PDSS2: variants seen among roughly 807,000 people sequenced by gnomAD.
The protein encoded by PDSS2 is decaprenyl diphosphate synthase subunit 2.
A neutral mutation model predicts 44.5 loss-of-function variants in PDSS2; 31 were observed. The observed-to-expected ratio is 0.70, with a 90% confidence interval of 0.52 to 0.94. The LOEUF (loss-of-function observed/expected upper bound fraction) is 0.94, where lower values mean the gene tolerates loss of function less well. Ranked by LOEUF, PDSS2 falls within the 40% of genes least tolerant of loss-of-function variation. PDSS2 has a pLI of 0.00. For synonymous variants in PDSS2, 157 were observed against 180.3 expected (o/e 0.87, Z 1.03); for missense variants, 452 against 482.2 (o/e 0.94, Z 0.59).
intron 7 of PDSS2, among the ~76,000 whole-genome samples, chr6:107,163,812 A>T (rs971309466): frequency 1.3e-5 from 2 of 152,174 alleles, no homozygotes; most frequent in Non-Finnish European, 2.9e-5. Context: ...CACGTTGGCC[A>T]GGCTGGTCTT....
intron 1 of PDSS2, among the ~76,000 whole-genome samples, chr6:107,378,767 C>T (rs1194292054): frequency 6.6e-6 from 1 of 152,198 alleles, no homozygotes; most frequent in Non-Finnish European, 1.5e-5. Flanking sequence ...GCCTGGGCGA[C>T]AGAGTATCCG....
At chr6:107,203,455 A>T (rs1028396444) in intron 6 of PDSS2, among the ~76,000 whole-genome samples, 2 of 152,074 alleles carry the variant, frequency 1.3e-5, no homozygotes, top group Admixed American at 1.3e-4. Context: ...TGGGTTTCCA[A>T]AAACTTCTTA....
rs60988844 is a variant in PDSS2 at position 107,227,278 on chromosome 6, C to CTTT, written c.703-14999_703-14997dup. ...GATTATAGGTGTAAGCCACTGTGCC[C>CTTT]TTTTTTTTTTTTTTTTTTTTTTTTT... is the stretch of plus-strand genomic sequence containing the variant. On this transcript the variant is annotated intron_variant, in intron 4 of 7. Transcript: ENST00000369037. Among the ~76,000 whole-genome samples, 563 of 102,694 alleles carry CTTT rather than the reference C, an allele frequency of 5.5e-3. 79 individuals carry two copies. Among genetic ancestry groups the CTTT allele is most frequent in the African/African-American group, 9.8e-3 (253 of 25,934 alleles). 67.4% of individuals were successfully genotyped at this position (102,694 alleles called of 152,430 possible).
intron 7 of PDSS2, among the ~76,000 whole-genome samples, chr6:107,156,590 A>C (rs1222459330): frequency 2.0e-5 from 3 of 152,136 alleles, no homozygotes; most frequent in African/African-American, 7.2e-5. Flanking sequence ...TTCACAGCTG[A>C]ACTTTCTGGC....
chr6:107,262,772 AAAAAAAAAAG>A (rs551651114), intron 3 of PDSS2, among the ~76,000 whole-genome samples: 30 of 148,300 alleles, frequency 2.0e-4, no homozygotes, highest in African/African-American at 7.4e-4. Flanking sequence ...ACTCTGTCTC[AAAAAAAAAAG>A]AAAAAAAAAG....
At chr6:107,242,787 C>T (rs1188274739) in intron 4 of PDSS2, among the ~76,000 whole-genome samples, 1 of 152,182 alleles carries the variant, frequency 6.6e-6, no homozygotes, top group Non-Finnish European at 1.5e-5. Context: ...CTACCTCGGC[C>T]TCCTAAAGTG....
chr6:107,370,280 C>T (rs1054876561), intron 1 of PDSS2, among the ~76,000 whole-genome samples: 5 of 152,138 alleles, frequency 3.3e-5, no homozygotes, highest in African/African-American at 1.2e-4. Context: ...TCGAGTAATT[C>T]AGAGAATATT....
At chr6:107,232,223 T>C (rs1224145179) in intron 4 of PDSS2, among the ~76,000 whole-genome samples, 1 of 152,182 alleles carries the variant, frequency 6.6e-6, no homozygotes, top group Non-Finnish European at 1.5e-5. Flanking sequence ...CACCTTCATG[T>C]TTATACTACA....
chr6:107,226,310 T>C (rs1773819556), intron 4 of PDSS2, among the ~76,000 whole-genome samples: 1 of 151,736 alleles, frequency 6.6e-6, no homozygotes, highest in Non-Finnish European at 1.5e-5. Flanking sequence ...AGACTCCGTC[T>C]CAAAAAAAAG....
chr6:107,308,621 G>A (rs1776937577), intron 2 of PDSS2, among the ~76,000 whole-genome samples: 1 of 152,180 alleles, frequency 6.6e-6, no homozygotes, highest in South Asian at 2.1e-4. Context: ...TTTGGGGGGA[G>A]GAATGGGAAG....
At chr6:107,397,089 C>CAAG (rs1024725184) in intron 1 of PDSS2, among the ~76,000 whole-genome samples, 1 of 151,966 alleles carries the variant, frequency 6.6e-6, no homozygotes, top group Non-Finnish European at 1.5e-5. Flanking sequence ...TCAAAAATCT[C>CAAG]AAGGGTGAAA....
chr6:107,335,130 C>G (rs2500572), intron 1 of PDSS2, among the ~76,000 whole-genome samples: 75,124 of 143,086 alleles, frequency 0.53, 19,918 homozygotes, highest in Middle Eastern at 0.62. Flanking sequence ...CACTGCACTC[C>G]AGATGGGGAG....
chr6:107,395,966 T>C lies in PDSS2; in HGVS notation c.297-61634A>G, dbSNP rs563690974. On this transcript the variant is annotated intron_variant, in intron 1 of 7. Coordinates refer to ENST00000369037, the MANE Select transcript of PDSS2 (RefSeq NM_020381.4). ...TTTCATTTATGGTGGCTTAGACTAGTCTTTATTCTAGAACTAATTTATTCC... is the reference window on the plus strand; with the variant it reads ...TTTCATTTATGGTGGCTTAGACTAGCCTTTATTCTAGAACTAATTTATTCC... Among the ~76,000 whole-genome samples the C allele has an allele frequency of 7.2e-5, 11 of 152,298 alleles. No individual in the cohort carries two copies. In the South Asian group the frequency reaches 2.3e-3, roughly 32 times the overall value.
intron 2 of PDSS2, among the ~76,000 whole-genome samples, chr6:107,304,940 G>A (rs749606873): frequency 6.6e-6 from 1 of 151,836 alleles, no homozygotes; most frequent in Non-Finnish European, 1.5e-5. Context: ...CCTCTCGGTG[G>A]TGGGCAATAC....
chr6:107,180,191 G>A (rs1025303015), intron 7 of PDSS2, among the ~76,000 whole-genome samples: 4 of 152,042 alleles, frequency 2.6e-5, no homozygotes, highest in African/African-American at 7.2e-5. Context: ...CTCTATCTTC[G>A]ACATAAAGAC....
intron 2 of PDSS2, among the ~76,000 whole-genome samples, chr6:107,303,706 T>TA (rs1562448578): frequency 6.6e-6 from 1 of 152,160 alleles, no homozygotes; most frequent in Non-Finnish European, 1.5e-5. Context: ...CACAATATTC[T>TA]CCAGACCCCA....
intron 4 of PDSS2, among the ~76,000 whole-genome samples, chr6:107,234,106 CTG>C (rs1046809844): frequency 1.3e-5 from 2 of 152,116 alleles, no homozygotes; most frequent in Admixed American, 6.5e-5. Context: ...TGGGAAGAAA[CTG>C]TGTCAAATTC....
intron 7 of PDSS2, among the ~76,000 whole-genome samples, chr6:107,167,593 C>G (rs547524823): frequency 6.6e-6 from 1 of 152,256 alleles, no homozygotes; most frequent in South Asian, 2.1e-4. Context: ...GAGATCTTTT[C>G]TGCTTTCTCT....
chr6:107,252,592 A>G (rs755944207), intron 3 of PDSS2, among the ~76,000 whole-genome samples: 1 of 152,226 alleles, frequency 6.6e-6, no homozygotes, highest in Non-Finnish European at 1.5e-5. Context: ...AACATTTGTC[A>G]AAAAGGTTTC....
Sources: allele counts gnomAD v4.1 joint callset (sites outside exome capture counted in the v4.1 genomes callset), GRCh38; gene constraint gnomAD v4.1.1; transcripts MANE v1.5; gene names NCBI Gene and HGNC (gene_info 2026-07-23, HGNC 2026-07-21).